Variants in LIMCH1 observed in about 807,000 individuals in gnomAD.
LIMCH1 encodes LIM and calponin homology domains 1.
A neutral mutation model predicts 176.5 loss-of-function variants in LIMCH1; 113 were observed. That is an observed-to-expected ratio of 0.64 (90% confidence interval 0.55 to 0.75). LIMCH1 has a LOEUF of 0.75. Among genes scored for constraint, LIMCH1 ranks in the 30% least tolerant of loss-of-function variants. LIMCH1 has a pLI of 0.00. For missense variants in LIMCH1, 1,674 were observed against 1,814.9 expected (o/e 0.92, Z 1.41); for synonymous variants, 619 against 645.9 (o/e 0.96, Z 0.63).
At chr4:41,687,952 T>A in intron 29 of LIMCH1, 35 bp downstream of exon 29, 1 of 1,529,222 alleles carries the variant, frequency 6.5e-7, no homozygotes, top group Non-Finnish European at 9.1e-7. Flanking sequence ...TGAGGCTGCT[T>A]TGTTATGACT....
At chr4:41,546,842 G>A (rs1028827376) in intron 1 of LIMCH1, among the ~76,000 whole-genome samples, 16 of 151,526 alleles carry the variant, frequency 1.1e-4, no homozygotes, top group Non-Finnish European at 2.1e-4. Context: ...TATATATATG[G>A]AGAGAGAGAG....
At chr4:41,564,456 G>C (rs925347591) in intron 1 of LIMCH1, among the ~76,000 whole-genome samples, 1 of 152,152 alleles carries the variant, frequency 6.6e-6, no homozygotes, top group Non-Finnish European at 1.5e-5. Flanking sequence ...TACATAGTAT[G>C]GTTAAGGGTC....
At chr4:41,507,190 G>A (rs2074288632) in intron 2 of LIMCH1, among the ~76,000 whole-genome samples, 3 of 152,190 alleles carry the variant, frequency 2.0e-5, no homozygotes, top group Admixed American at 6.5e-5. Context: ...TCCCTTTCTT[G>A]TTGGTCCATC....
intron 3 of LIMCH1, among the ~76,000 whole-genome samples, chr4:41,528,311 G>GTAC (rs1387455882): frequency 1.3e-5 from 2 of 152,102 alleles, no homozygotes; most frequent in Non-Finnish European, 2.9e-5. Context: ...GGGGGTCATG[G>GTAC]TACTATTCTT....
At chr4:41,438,453 C>T (rs1394036409) in intron 1 of LIMCH1, among the ~76,000 whole-genome samples, 1 of 151,648 alleles carries the variant, frequency 6.6e-6, no homozygotes, top group African/African-American at 2.4e-5. Flanking sequence ...GCCTCCATTT[C>T]CCAGGTTCAA....
intron 4 of LIMCH1, among the ~76,000 whole-genome samples, chr4:41,608,544 G>C (rs79675800): frequency 0.045 from 6,821 of 152,152 alleles, 345 homozygotes; most frequent in East Asian, 0.13. Flanking sequence ...TTTCTAGTGG[G>C]TGAAATGTGC....
chr4:41,428,207 G>T (rs2061292214), intron 1 of LIMCH1, among the ~76,000 whole-genome samples: 1 of 152,146 alleles, frequency 6.6e-6, no homozygotes, highest in African/African-American at 2.4e-5. Context: ...TAAAGAACAT[G>T]AACTCTGAGG....
intron 1 of LIMCH1, among the ~76,000 whole-genome samples, chr4:41,483,629 C>A (rs2069025334): frequency 6.6e-6 from 1 of 152,200 alleles, no homozygotes; most frequent in South Asian, 2.1e-4. Flanking sequence ...TCATCACCTA[C>A]CACCCTTCTC....
At chr4:41,611,753 A>G (rs2091441107) in intron 4 of LIMCH1, among the ~76,000 whole-genome samples, 1 of 152,336 alleles carries the variant, frequency 6.6e-6, no homozygotes, top group African/African-American at 2.4e-5. Context: ...ACACATAATA[A>G]GTGTTCAATA....
intron 1 of LIMCH1, among the ~76,000 whole-genome samples, chr4:41,460,577 GAT>G (rs1355998288): frequency 4.6e-5 from 7 of 150,912 alleles, no homozygotes; most frequent in Non-Finnish European, 8.8e-5. Flanking sequence ...TTGGTTATAC[GAT>G]TGATTCTCAG....
intron 1 of LIMCH1, among the ~76,000 whole-genome samples, chr4:41,550,125 G>A (rs998430846): frequency 6.6e-6 from 1 of 151,678 alleles, no homozygotes; most frequent in Non-Finnish European, 1.5e-5. Context: ...TATCCTCAGT[G>A]TGGCTGCCAT....
chr4:41,548,276 C>A (rs1022466152), intron 1 of LIMCH1, among the ~76,000 whole-genome samples: 57 of 152,264 alleles, frequency 3.7e-4, no homozygotes, highest in African/African-American at 1.2e-3. Context: ...TTCTTCATTT[C>A]TGTTTCTCAT....
intron 7 of LIMCH1, among the ~76,000 whole-genome samples, chr4:41,622,383 A>G (rs1432405113): frequency 6.6e-6 from 1 of 152,214 alleles, no homozygotes; most frequent in Non-Finnish European, 1.5e-5. Context: ...ACAGATAAGA[A>G]TATGAACTTA....
At chr4:41,382,599 C>G (rs9291203) in intron 1 of LIMCH1, among the ~76,000 whole-genome samples, 2,612 of 152,170 alleles carry the variant, frequency 0.017, 71 homozygotes, top group African/African-American at 0.058. Flanking sequence ...GGAGGGCTTC[C>G]AGGCACATTT....
chr4:41,566,530 A>G (rs2082795816), intron 1 of LIMCH1, among the ~76,000 whole-genome samples: 1 of 152,122 alleles, frequency 6.6e-6, no homozygotes, highest in Admixed American at 6.5e-5. Flanking sequence ...CAGTTGGGTG[A>G]AAGAGAGCCT....
chr4:41,465,326 T>C (rs1012727650), intron 1 of LIMCH1, among the ~76,000 whole-genome samples: 2 of 151,952 alleles, frequency 1.3e-5, no homozygotes, highest in Admixed American at 1.3e-4. Flanking sequence ...GCTTGATGAG[T>C]CTCTGAACTC....
intron 1 of LIMCH1, among the ~76,000 whole-genome samples, chr4:41,475,091 T>C (rs1485078180): frequency 6.6e-6 from 1 of 152,210 alleles, no homozygotes; most frequent in African/African-American, 2.4e-5. Flanking sequence ...AGGAGTTTAG[T>C]GGAGACCTTT....
chr4:41,443,934 G>C lies in LIMCH1; in HGVS notation c.97-50602G>C, dbSNP rs577284963. Among the ~76,000 whole-genome samples the C allele has an allele frequency of 3.3e-5, 5 of 152,132 alleles. No homozygotes were observed. In the South Asian group the frequency reaches 1.0e-3, roughly 31 times the overall value. ...TGAAGAATATGCTCACTTAAAACTC[G>C]TAGACTCAAGGAAAGGCAAGCTGGC... On this transcript the variant is annotated intron_variant, in intron 1 of 26. Transcript: ENST00000313860.
intron 1 of LIMCH1, among the ~76,000 whole-genome samples, chr4:41,583,006 A>C (rs2085792532): frequency 6.6e-6 from 1 of 152,208 alleles, no homozygotes; most frequent in Admixed American, 6.5e-5. Flanking sequence ...CAATGGTGTT[A>C]ATACGTTTGC....
Sources: gnomAD v4.1 joint callset for allele counts (sites outside exome capture counted in the v4.1 genomes callset) on GRCh38, gnomAD v4.1.1 for gene constraint, MANE v1.5 for transcripts, NCBI Gene and HGNC (gene_info 2026-07-23, HGNC 2026-07-21) for gene names.